Variants in CFAP299 observed in about 807,000 individuals in gnomAD.
CFAP299 encodes cilia- and flagella-associated protein 299.
CFAP299 carries 21 observed loss-of-function variants against 27.0 expected under a neutral mutation model. The observed-to-expected ratio is 0.78, with a 90% CI of 0.55 to 1.12. The LOEUF (loss-of-function observed/expected upper bound fraction) is 1.12, where lower values mean the gene tolerates loss of function less well. CFAP299 is among the 50% of genes most tolerant of loss of function. CFAP299 has a pLI of 0.00. For missense variants in CFAP299, 310 were observed against 276.6 expected (o/e 1.12, Z -0.86); for synonymous variants, 104 against 98.1 (o/e 1.06, Z -0.36).
intron 2 of CFAP299, among the ~76,000 whole-genome samples, chr4:80,572,535 T>TTTTTTTTTTTTTTGTG (rs869059415): frequency 7.8e-6 from 1 of 127,910 alleles, no homozygotes; most frequent in African/African-American, 3.1e-5. Context: ...TTTTTTTTTT[T>TTTTTTTTTTTTTTGTG]GAGAGGGAGT....
At chr4:80,462,250 T>TA (rs1578472424) in intron 2 of CFAP299, among the ~76,000 whole-genome samples, 1 of 152,208 alleles carries the variant, frequency 6.6e-6, no homozygotes, top group African/African-American at 2.4e-5. Flanking sequence ...CTCTTCTTAT[T>TA]AAAAAATAAA....
At chr4:80,502,409 C>T (rs992537648) in intron 2 of CFAP299, among the ~76,000 whole-genome samples, 2 of 152,016 alleles carry the variant, frequency 1.3e-5, no homozygotes, top group African/African-American at 4.8e-5. Context: ...GCACCACATA[C>T]CAACTTATTT....
intron 1 of CFAP299, among the ~76,000 whole-genome samples, chr4:80,340,025 A>G (rs185245926): frequency 6.4e-4 from 98 of 152,308 alleles, no homozygotes; most frequent in African/African-American, 2.1e-3. Context: ...TAAAATAGAA[A>G]TGGGGAGGGG....
intron 3 of CFAP299, among the ~76,000 whole-genome samples, chr4:80,687,907 A>G (rs550763108): frequency 3.9e-5 from 6 of 152,200 alleles, no homozygotes; most frequent in Non-Finnish European, 8.8e-5. Flanking sequence ...GTTCCCTTTC[A>G]TAGTCAAAGA....
At chr4:80,937,191 A>G (rs1445406385) in intron 4 of CFAP299, among the ~76,000 whole-genome samples, 1 of 151,452 alleles carries the variant, frequency 6.6e-6, no homozygotes, top group African/African-American at 2.4e-5. Context: ...ATCATTATAC[A>G]ATGACCTTCT....
intron 1 of CFAP299, 132 bp downstream of exon 1, chr4:80,336,011 G>T (rs1722122022): frequency 1.6e-6 from 1 of 636,720 alleles, no homozygotes; most frequent in African/African-American, 1.8e-5. Flanking sequence ...TCGGGACCGC[G>T]ACACTAAAGC....
At chr4:80,582,507 T>C (rs918242431) in intron 2 of CFAP299, among the ~76,000 whole-genome samples, 9 of 151,892 alleles carry the variant, frequency 5.9e-5, no homozygotes, top group Non-Finnish European at 1.2e-4. Flanking sequence ...GAACTCACTA[T>C]TATGTGGTTC....
chr4:80,459,114 A>C (rs1009859134), intron 2 of CFAP299, among the ~76,000 whole-genome samples: 13 of 152,066 alleles, frequency 8.5e-5, no homozygotes, highest in African/African-American at 3.1e-4. Flanking sequence ...CCTAACAGTT[A>C]GGACTACAGG....
intron 2 of CFAP299, among the ~76,000 whole-genome samples, chr4:80,471,614 G>A (rs1258901228): frequency 9.1e-6 from 1 of 109,386 alleles, no homozygotes; most frequent in African/African-American, 3.5e-5. Flanking sequence ...GGGGGAGCAG[G>A]GTGGCGGGGG....
chr4:80,517,828 G>C (rs897119660), intron 2 of CFAP299, among the ~76,000 whole-genome samples: 3 of 152,136 alleles, frequency 2.0e-5, no homozygotes, highest in Non-Finnish European at 2.9e-5. Flanking sequence ...AGAGAGTTGA[G>C]GACATGGTGA....
At chr4:80,852,817 C>T (rs1731601262) in intron 3 of CFAP299, among the ~76,000 whole-genome samples, 1 of 152,086 alleles carries the variant, frequency 6.6e-6, no homozygotes, top group African/African-American at 2.4e-5. Context: ...CAACATGAAA[C>T]CCAACTAGTT....
chr4:80,952,978 A>G (rs1194185666), intron 5 of CFAP299, among the ~76,000 whole-genome samples: 1 of 152,216 alleles, frequency 6.6e-6, no homozygotes, highest in Non-Finnish European at 1.5e-5. Flanking sequence ...CTATATGCAG[A>G]TGGTTCCAAT....
intron 3 of CFAP299, chr4:80,790,646 C>T (rs916666067): frequency 1.6e-4 from 25 of 151,994 alleles, no homozygotes; most frequent in African/African-American, 6.0e-4. Context: ...TCACTGGGTT[C>T]CTACTATGCT....
At chr4:80,446,625 C>A (rs1728626345) in intron 2 of CFAP299, among the ~76,000 whole-genome samples, 1 of 152,130 alleles carries the variant, frequency 6.6e-6, no homozygotes, top group East Asian at 1.9e-4. Flanking sequence ...TCCAGAAATA[C>A]AGCTGTCTTC....
At position 80,641,644 on chromosome 4, in the gene CFAP299, A is replaced by G. The variant is rs142733814; in HGVS notation, c.333+58461A>G. On this transcript the variant is annotated intron_variant, in intron 3 of 5. Coordinates refer to ENST00000358105, the MANE Select transcript of CFAP299 (RefSeq NM_152770.3). The stretch of plus-strand genomic sequence containing the variant: ...AAATATTATGTTAGGTGCTGTACAG[A>G]ATTTAATCATCAATAAGGAATTGAC... 3.5e-3 allele frequency among the ~76,000 whole-genome samples: 530 copies of G among 152,338 alleles called. 1 individual carries two copies. Among genetic ancestry groups the G allele is most frequent in the Non-Finnish European group, 6.1e-3 (412 of 68,030 alleles).
chr4:80,596,949 A>C (rs753232289), intron 3 of CFAP299, among the ~76,000 whole-genome samples: 1 of 152,126 alleles, frequency 6.6e-6, no homozygotes, highest in Non-Finnish European at 1.5e-5. Context: ...CCATTTTATG[A>C]TACACAATTA....
the CFAP299 span, among the ~76,000 whole-genome samples, chr4:80,330,693 G>T: frequency 6.6e-6 from 1 of 152,130 alleles, no homozygotes; most frequent in Non-Finnish European, 1.5e-5. Flanking sequence ...TTATCAAAAA[G>T]AATTCTGACT....
intron 3 of CFAP299, among the ~76,000 whole-genome samples, chr4:80,841,836 G>T (rs1181323699): frequency 6.6e-6 from 1 of 151,994 alleles, no homozygotes; most frequent in Admixed American, 6.6e-5. Flanking sequence ...TAGATTGAGA[G>T]GCCTTCTTAC....
intron 2 of CFAP299, among the ~76,000 whole-genome samples, chr4:80,397,220 G>A (rs1215035421): frequency 6.6e-6 from 1 of 151,938 alleles, no homozygotes; most frequent in Non-Finnish European, 1.5e-5. Context: ...TGGGATCGGT[G>A]GTAATATCCC....
Sources: gnomAD v4.1 joint callset for allele counts (sites outside exome capture counted in the v4.1 genomes callset) on GRCh38, gnomAD v4.1.1 for gene constraint, MANE v1.5 for transcripts, NCBI Gene and HGNC (gene_info 2026-07-23, HGNC 2026-07-21) for gene names.